The following ANKRD27 variants were observed in gnomAD, a reference collection of about 807,000 sequenced individuals.
ANKRD27 encodes ankyrin repeat domain-containing protein 27.
A neutral mutation model predicts 129.7 loss-of-function variants in ANKRD27; 112 were observed. The ratio of observed to expected loss-of-function variants is 0.86; its 90% CI spans 0.74 to 1.01. The LOEUF (loss-of-function observed/expected upper bound fraction) is 1.01, where lower values mean the gene tolerates loss of function less well. Among genes scored for constraint, ANKRD27 ranks in the 50% least tolerant of loss-of-function variants. The pLI is 0.00. For missense variants in ANKRD27, 1,258 were observed against 1,300.5 expected, an observed-to-expected ratio of 0.97 and a Z score of 0.50; for synonymous variants, 516 against 511.2, an observed-to-expected ratio of 1.01 and a Z score of -0.13.
chr19:32,606,873 T>TG lies in ANKRD27; in HGVS notation c.2373+761dup, dbSNP rs1299060976. Reference sequence around the variant, plus strand: ...ATCCCAGTACTTTGGGAAGCCAAGGTGGGAGGATCGCTTGAGCTCAGGAGT... The same window carrying TG: ...ATCCCAGTACTTTGGGAAGCCAAGGTGGGGAGGATCGCTTGAGCTCAGGAGT... On this transcript the variant is annotated intron_variant, in intron 23 of 28. Transcript: ENST00000306065. 2.4e-5 allele frequency among the ~76,000 whole-genome samples: 3 copies of TG among 127,402 alleles called. No individual in the cohort carries two copies. The Admixed American group carries it at 3.2e-4, about 13-fold the overall frequency. The allele number at this position is 127,402 out of a possible 152,430, so 83.6% of individuals were successfully genotyped here. A position where few individuals can be genotyped will look rare whatever the true frequency, so the allele number is the denominator to read the frequency against.
In ANKRD27 at chr19:32,619,379, C is replaced by A. The variant is rs151241017; in HGVS notation, c.1888G>T (p.Ala630Ser). The change falls in exon 20 of 29, where the codon GCC (alanine) becomes TCC (serine). Residue 630 changes from alanine to serine, a missense_variant and splice_region_variant. Ala to Ser is a moderately conservative substitution (Grantham distance 99, BLOSUM62 1). Transcript: ENST00000306065. ...GAGCGCTGCGGGGACTGCACAGGGG[C>A]CTGCAGCCAAGGAGCCCCAACGAGA... ...SFERRQKSSE[A>S]PVQSPQRSVD... 4 of 1,613,534 alleles carry A rather than the reference C, an allele frequency of 2.5e-6. No individual in the cohort carries two copies. Among genetic ancestry groups the A allele is most frequent in the African/African-American group, 1.3e-5 (1 of 74,924 alleles).
At chr19:32,657,762 C>T (rs6510276) in intron 2 of ANKRD27, among the ~76,000 whole-genome samples, 15,535 of 151,980 alleles carry the variant, frequency 0.1, 2,524 homozygotes, top group African/African-American at 0.34. Context: ...TCACCTGAGG[C>T]CGGGAGTTCG....
At chr19:32,601,489 C>G (rs1254163182) in intron 26 of ANKRD27, among the ~76,000 whole-genome samples, 1 of 150,612 alleles carries the variant, frequency 6.6e-6, no homozygotes, top group Non-Finnish European at 1.5e-5. Flanking sequence ...GTCCCAGCTA[C>G]TTGAGAGTGG....
intron 1 of ANKRD27, among the ~76,000 whole-genome samples, 156 bp downstream of exon 1, chr19:32,674,915 C>T (rs1022914911): frequency 1.3e-5 from 2 of 151,784 alleles, no homozygotes; most frequent in Admixed American, 6.6e-5. Flanking sequence ...GGGGCTGGGG[C>T]GGCGCGGGGC....
chr19:32,639,454 A>G lies in ANKRD27; in HGVS notation c.1018T>C (p.Phe340Leu), dbSNP rs1204726070. Residue 340 changes from phenylalanine (F) to leucine (L), a missense_variant, in exon 12 of 29, where the codon TTT becomes CTT. Coordinates refer to ENST00000306065, the MANE Select transcript of ANKRD27 (RefSeq NM_032139.3). ...ANLSYIKNFRFSSLAKDELGY... is the reference protein window; with the variant it reads ...ANLSYIKNFRLSSLAKDELGY... The stretch of plus-strand genomic sequence containing the variant: ...AGTTCATCCTTTGCCAAGCTGCTAA[A>G]CCTGAAGTTTTTGATGTAACTCAAA... The G allele has an allele frequency of 6.2e-7, 1 of 1,613,814 alleles. No homozygotes were observed. Among genetic ancestry groups the G allele is most frequent in the East Asian group, 2.2e-5 (1 of 44,886 alleles).
intron 4 of ANKRD27, among the ~76,000 whole-genome samples, chr19:32,645,599 C>A (rs902930544): frequency 1.3e-5 from 2 of 151,566 alleles, no homozygotes; most frequent in East Asian, 3.9e-4. Flanking sequence ...CCACCATGCC[C>A]GGCTAATTAT....
At chr19:32,629,572 C>T (rs1220572833) in intron 13 of ANKRD27, among the ~76,000 whole-genome samples, 4 of 151,998 alleles carry the variant, frequency 2.6e-5, no homozygotes, top group East Asian at 3.9e-4. Context: ...TGGTGGCAGA[C>T]GCCTGTAATC....
At chr19:32,609,818 T>C (rs1599736899) in intron 22 of ANKRD27, among the ~76,000 whole-genome samples, 2 of 116,956 alleles carry the variant, frequency 1.7e-5, no homozygotes, top group African/African-American at 2.8e-5. Flanking sequence ...TATGTAAATA[T>C]AAATTATATA....
chr19:32,614,575 G>T (rs1035448303), intron 22 of ANKRD27, among the ~76,000 whole-genome samples: 22 of 152,086 alleles, frequency 1.4e-4, no homozygotes, highest in Middle Eastern at 3.4e-3. Context: ...CGTGGTGGTG[G>T]GTGCTATGGT....
intron 1 of ANKRD27, among the ~76,000 whole-genome samples, chr19:32,660,480 C>T (rs1220473625): frequency 5.3e-5 from 8 of 152,028 alleles, no homozygotes; most frequent in Admixed American, 1.3e-4. Context: ...ATCACGCCAC[C>T]GCACTCCAGC....
In ANKRD27 at chr19:32,644,436, A is replaced by G. The variant is rs1170039160; in HGVS notation, c.414T>C (p.Ile138=). The change falls in exon 5 of 29, where the codon ATT becomes ATC. Residue 138 remains isoleucine, a synonymous_variant. Coordinates refer to ENST00000306065, the MANE Select transcript of ANKRD27 (RefSeq NM_032139.3). The part of the protein sequence containing the change: ...APSDPFSLKT[I]EDVREFLGRH... ...TTCCCAAGAACTCTCTCACATCTTC[A>G]ATGGTTTTCAGGGAAAAGGGATCTG... 1 of 1,614,018 alleles carries G rather than the reference A, an allele frequency of 6.2e-7. No homozygotes were observed. The highest frequency in any genetic ancestry group is 8.5e-7 in the Non-Finnish European group (1 of 1,179,966).
At chr19:32,672,826 G>C (rs990238259) in intron 1 of ANKRD27, 1 of 152,402 alleles carries the variant, frequency 6.6e-6, no homozygotes, top group Non-Finnish European at 1.5e-5. Flanking sequence ...GGAGCTCTAG[G>C]GCCGCTTCTC....
At chr19:32,616,350 C>T (rs1971918922) in intron 21 of ANKRD27, among the ~76,000 whole-genome samples, 1 of 152,040 alleles carries the variant, frequency 6.6e-6, no homozygotes, top group African/African-American at 2.4e-5. Context: ...GTCAGGAGTT[C>T]AAGCCCAGCC....
intron 12 of ANKRD27, among the ~76,000 whole-genome samples, chr19:32,634,254 C>T (rs1366164038): frequency 6.6e-6 from 1 of 152,182 alleles, no homozygotes; most frequent in Non-Finnish European, 1.5e-5. Context: ...CTAAAGGGAA[C>T]TTCATTACTT....
chr19:32,667,496 C>T (rs563472645), intron 1 of ANKRD27, among the ~76,000 whole-genome samples: 7 of 152,232 alleles, frequency 4.6e-5, no homozygotes, highest in Non-Finnish European at 7.4e-5. Flanking sequence ...AAAAAGAAAT[C>T]TTATTACTAC....
chr19:32,646,659 C>T lies in ANKRD27; in HGVS notation c.214-44G>A, dbSNP rs367937201. On this transcript the variant is annotated intron_variant, in intron 3 of 28. Coordinates refer to ENST00000306065, the MANE Select transcript of ANKRD27 (RefSeq NM_032139.3). ...TCACTGCACCAGCAGCCGGGGCAAC[C>T]ACATCCCACTCTCAGCCTGGCCCCC... 2.4e-4 allele frequency: 387 copies of T among 1,594,646 alleles called. 1 individual carries two copies. Among genetic ancestry groups the T allele is most frequent in the Middle Eastern group, 6.7e-4 (4 of 5,972 alleles).
rs752094955 is a variant in ANKRD27 at position 32,605,931 on chromosome 19, C to T, written c.2397G>A (p.Ser799=). Reference sequence around the variant, plus strand: ...GGTCCTTCTTATTGGGTTTTGCATTCGAATCTAACAGACACTTCACCACCT... The same window carrying T: ...GGTCCTTCTTATTGGGTTTTGCATTTGAATCTAACAGACACTTCACCACCT... The part of the protein sequence containing the change: ...HFQVVKCLLD[S]NAKPNKKDLS... The change falls in exon 24 of 29, where the codon TCG becomes TCA. Residue 799 remains serine (S), a synonymous_variant. Transcript: ENST00000306065. The T allele has an allele frequency of 1.9e-5, 30 of 1,613,684 alleles. No homozygotes were observed. Among genetic ancestry groups the T allele is most frequent in the East Asian group, 4.5e-5 (2 of 44,850 alleles).
intron 1 of ANKRD27, among the ~76,000 whole-genome samples, chr19:32,667,190 G>A (rs1376122110): frequency 3.9e-5 from 6 of 152,226 alleles, no homozygotes; most frequent in African/African-American, 1.4e-4. Flanking sequence ...CTGTGCAAGG[G>A]CACTAGGCTA....
chr19:32,629,841 GTTCT>G (rs1386147003), intron 13 of ANKRD27, among the ~76,000 whole-genome samples: 9 of 110,954 alleles, frequency 8.1e-5, no homozygotes, highest in African/African-American at 1.1e-4. Flanking sequence ...TTCCTCTTGT[GTTCT>G]TTTTTTTTTT....
Sources: gnomAD v4.1 joint callset for allele counts (sites outside exome capture counted in the v4.1 genomes callset) on GRCh38, gnomAD v4.1.1 for gene constraint, MANE v1.5 for transcripts, NCBI Gene and HGNC (gene_info 2026-07-23, HGNC 2026-07-21) for gene names.